Variants in ZBED6 observed in about 807,000 individuals in gnomAD.
ZBED6 encodes zinc finger BED-type containing 6.
In ZBED6, 40 loss-of-function variants were observed where a neutral mutation model predicts 58.4. The ratio of observed to expected loss-of-function variants is 0.68; its 90% CI spans 0.53 to 0.89. ZBED6 has a LOEUF of 0.89. Among genes scored for constraint, ZBED6 ranks in the 40% least tolerant of loss-of-function variants. The pLI, the probability that ZBED6 is intolerant of heterozygous loss-of-function variation, is 0.00. For synonymous variants in ZBED6, 439 were observed against 350.6 expected (o/e 1.25, Z -2.82); for missense variants, 1,057 against 1,003.9 (o/e 1.05, Z -0.71).
At chr1:203,807,693 A>AT (rs752618745) in intron 1 of ZBED6, among the ~76,000 whole-genome samples, 18 of 150,820 alleles carry the variant, frequency 1.2e-4, no homozygotes, top group Non-Finnish European at 2.7e-4. Context: ...GCCCAGCTAA[A>AT]TTTTTTTTTC....
At chr1:203,834,395 T>C (rs1683517073) in intron 9 of ZBED6, among the ~76,000 whole-genome samples, 1 of 151,912 alleles carries the variant, frequency 6.6e-6, no homozygotes, top group African/African-American at 2.4e-5. Context: ...CCCCAGCCTC[T>C]CAAGTAACTG....
Position 203,852,443 on chromosome 1 carries a change from T to C in ZBED6, c.*5176T>C, listed in dbSNP as rs780749126. 9 of 1,601,292 alleles carry C rather than the reference T, an allele frequency of 5.6e-6. No individual in the cohort carries two copies. In the East Asian group the frequency reaches 2.0e-4, roughly 36 times the overall value. On this transcript the variant is annotated 3_prime_UTR_variant, in exon 17 of 17. Transcript: ENST00000550078. ...TTTAAAAAAAAAATCGCCAAAAAAC[T>C]GGACTTAGTTTCATCTATTGTAACA...
chr1:203,851,690 A>G (rs1462016004), intron 16 of ZBED6, among the ~76,000 whole-genome samples: 1 of 150,154 alleles, frequency 6.7e-6, no homozygotes, highest in African/African-American at 2.5e-5. Context: ...TGGCCAGGCA[A>G]GGCGGCTTAT....
At chr1:203,840,465 GCTTTTGATTTTTGTT>G in intron 11 of ZBED6, 91 bp downstream of exon 11, 1 of 1,320,480 alleles carries the variant, frequency 7.6e-7, no homozygotes, top group East Asian at 2.4e-5. Context: ...GCTTGCTAGG[GCTTTTGATTTTTGTT>G]CTTTTGTAGT....
exon 1 of ZBED6, chr1:203,802,666 G>T (rs6693658): frequency 0.98 from 146,499 of 149,326 alleles, 71,930 homozygotes; most frequent in East Asian, 1. Flanking sequence ...GGAAGATGGA[G>T]TTTTTTTTCA....
chr1:203,841,648 C>T (rs1431805696), intron 11 of ZBED6, among the ~76,000 whole-genome samples: 1 of 152,214 alleles, frequency 6.6e-6, no homozygotes, highest in Non-Finnish European at 1.5e-5. Flanking sequence ...CATCATGGCC[C>T]GTTCTCAATG....
chr1:203,841,290 G>C (rs1686104897), intron 11 of ZBED6, among the ~76,000 whole-genome samples: 1 of 152,108 alleles, frequency 6.6e-6, no homozygotes, highest in African/African-American at 2.4e-5. Context: ...TTCCTAGACA[G>C]AGGACCCTGC....
chr1:203,818,714 T>G, intron 3 of ZBED6, 25 bp downstream of exon 3: 1 of 1,613,744 alleles, frequency 6.2e-7, no homozygotes, highest in Non-Finnish European at 8.5e-7. Context: ...TCCGTTATCA[T>G]AATAAGTAGT....
intron 7 of ZBED6, among the ~76,000 whole-genome samples, chr1:203,831,314 AAATAG>A (rs2103036793): frequency 6.6e-6 from 1 of 152,256 alleles, no homozygotes; most frequent in South Asian, 2.1e-4. Flanking sequence ...TCAGATGATT[AAATAG>A]AATAGGTTGG....
chr1:203,799,603 C>T (rs1264790273), exon 1 of ZBED6: 6 of 702,972 alleles, frequency 8.5e-6, no homozygotes, highest in African/African-American at 1.7e-5. Context: ...ATTCTTAAGC[C>T]ATTTGAGGAG....
intron 6 of ZBED6, 28 bp downstream of exon 6, chr1:203,829,924 T>A (rs200198842): frequency 2.3e-4 from 368 of 1,588,878 alleles, no homozygotes; most frequent in Non-Finnish European, 2.9e-4. Flanking sequence ...TGGTGCCTCT[T>A]ATAGCACTGT....
chr1:203,796,453 C>CT, exon 1 of ZBED6: 1 of 399,042 alleles, frequency 2.5e-6, no homozygotes, highest in Non-Finnish European at 4.4e-6. Flanking sequence ...CCTTGTAGGA[C>CT]TGGTGAAACC....
At chr1:203,825,516 C>T (rs1680235239) in intron 3 of ZBED6, among the ~76,000 whole-genome samples, 1 of 140,180 alleles carries the variant, frequency 7.1e-6, no homozygotes, top group South Asian at 2.3e-4. Flanking sequence ...CTCACTGAAA[C>T]TTCCACCTCC....
exon 12 of ZBED6, chr1:203,847,604 G>T: frequency 6.2e-7 from 1 of 1,613,550 alleles, no homozygotes. Flanking sequence ...GTGCAGCAGA[G>T]CTCTGAGAGC....
intron 3 of ZBED6, among the ~76,000 whole-genome samples, chr1:203,819,785 C>T (rs561261388): frequency 1.8e-4 from 25 of 142,822 alleles, no homozygotes; most frequent in South Asian, 1.2e-3. Context: ...CCACTTGCCT[C>T]GGCCTCCCAA....
At chr1:203,801,058 G>GAA (rs1670418784) in exon 1 of ZBED6, 2 of 152,152 alleles carry the variant, frequency 1.3e-5, no homozygotes, top group Non-Finnish European at 2.9e-5. Flanking sequence ...GGAAATATTA[G>GAA]AAAACAATTA....
intron 3 of ZBED6, among the ~76,000 whole-genome samples, chr1:203,824,268 C>T (rs1023941664): frequency 1.1e-4 from 7 of 63,162 alleles, no homozygotes; most frequent in Admixed American, 5.1e-4. Flanking sequence ...ACTCCCATCT[C>T]AAAATTAAAA....
chr1:203,843,101 T>C (rs1211031266), intron 11 of ZBED6, among the ~76,000 whole-genome samples: 2 of 152,334 alleles, frequency 1.3e-5, no homozygotes, highest in East Asian at 3.9e-4. Flanking sequence ...ATGTTGGACA[T>C]TCTTATTCTG....
chr1:203,825,495 C>T (rs1680230241), intron 3 of ZBED6, among the ~76,000 whole-genome samples: 2 of 141,956 alleles, frequency 1.4e-5, no homozygotes, highest in South Asian at 4.4e-4. Flanking sequence ...AGTGCAGTGG[C>T]TCCATCTTGG....
Sources: gnomAD v4.1 joint callset for allele counts (sites outside exome capture counted in the v4.1 genomes callset) on GRCh38, gnomAD v4.1.1 for gene constraint, MANE v1.5 for transcripts, NCBI Gene and HGNC (gene_info 2026-07-23, HGNC 2026-07-21) for gene names.